SUSD1: variants seen among roughly 807,000 people sequenced by gnomAD.
The protein encoded by SUSD1 is sushi domain-containing protein 1.
Under a neutral mutation model 86.9 loss-of-function variants are expected in SUSD1, and 65 were observed. The ratio of observed to expected loss-of-function variants is 0.75; its 90% confidence interval spans 0.61 to 0.92. The LOEUF is 0.92. SUSD1 is among the 40% of genes least tolerant of loss of function. The probability of loss-of-function intolerance (pLI) is 0.00; values close to 1 mark genes in which losing one functional copy is unlikely to be tolerated. For missense variants in SUSD1, 850 were observed against 929.7 expected, an observed-to-expected ratio of 0.91 and a Z score of 1.11; for synonymous variants, 346 against 350.0, an observed-to-expected ratio of 0.99 and a Z score of 0.13.
At chr9:112,145,282 T>C (rs1327000305) in intron 3 of SUSD1, among the ~76,000 whole-genome samples, 5 of 84,892 alleles carry the variant, frequency 5.9e-5, no homozygotes, top group Non-Finnish European at 9.7e-5. Context: ...AATTTCCTTT[T>C]TTTTTTTTTT....
intron 3 of SUSD1, among the ~76,000 whole-genome samples, chr9:112,146,624 C>T (rs1004944776): frequency 1.3e-5 from 2 of 148,502 alleles, no homozygotes; most frequent in South Asian, 2.1e-4. Flanking sequence ...CCTCCTCATT[C>T]TTCTTCCTAA....
chr9:112,139,872 T>C (rs1055450504), intron 5 of SUSD1, among the ~76,000 whole-genome samples: 1 of 151,896 alleles, frequency 6.6e-6, no homozygotes, highest in Non-Finnish European at 1.5e-5. Flanking sequence ...ATTAAAAAAA[T>C]TTTTTTTCAC....
At chr9:112,146,275 C>G (rs1564338047) in intron 3 of SUSD1, 1 of 152,210 alleles carries the variant, frequency 6.6e-6, no homozygotes, top group Non-Finnish European at 1.5e-5. Context: ...TGCCAGTGGA[C>G]ATGGTCTTCA....
At chr9:112,111,376 A>T (rs941088792) in intron 8 of SUSD1, among the ~76,000 whole-genome samples, 5 of 152,198 alleles carry the variant, frequency 3.3e-5, no homozygotes, top group African/African-American at 1.2e-4. Flanking sequence ...TGGACTGATC[A>T]TCATTTAAAA....
intron 6 of SUSD1, among the ~76,000 whole-genome samples, chr9:112,115,851 A>G (rs1178299828): frequency 2.0e-5 from 3 of 149,958 alleles, no homozygotes; most frequent in South Asian, 4.2e-4. Flanking sequence ...AAATACTCCA[A>G]TTATGAGCAT....
At chr9:112,156,336 C>T (rs1318636923) in intron 2 of SUSD1, among the ~76,000 whole-genome samples, 1 of 151,920 alleles carries the variant, frequency 6.6e-6, no homozygotes, top group Non-Finnish European at 1.5e-5. Context: ...GTGGCACATA[C>T]CTGTAATCCC....
intron 5 of SUSD1, chr9:112,137,737 G>T (rs533415822): frequency 6.6e-6 from 1 of 152,164 alleles, no homozygotes; most frequent in African/African-American, 2.4e-5. Flanking sequence ...AATTGTGAGG[G>T]TTTCTCTTTT....
chr9:112,090,386 C>G (rs1471565805), intron 10 of SUSD1, among the ~76,000 whole-genome samples: 1 of 151,966 alleles, frequency 6.6e-6, no homozygotes, highest in East Asian at 1.9e-4. Context: ...ATAGAAAAGC[C>G]CCATACCCAG....
chr9:112,055,737 CA>C (rs1477337500), intron 14 of SUSD1, among the ~76,000 whole-genome samples: 15 of 152,140 alleles, frequency 9.9e-5, no homozygotes, highest in African/African-American at 3.1e-4. Context: ...TCGTAATAGC[CA>C]AAAGGTGGAA....
intron 6 of SUSD1, 103 bp downstream of exon 6, chr9:112,124,154 G>A (rs1224311716): frequency 8.7e-7 from 1 of 1,152,262 alleles, no homozygotes; most frequent in Non-Finnish European, 1.2e-6. Context: ...AGCCGAGCTG[G>A]GTACAGTATG....
chr9:112,078,425 C>T (rs944264553), intron 12 of SUSD1, 113 bp downstream of exon 12: 15 of 1,026,102 alleles, frequency 1.5e-5, no homozygotes, highest in Non-Finnish European at 1.7e-5. Context: ...TCCTCCTCTC[C>T]CTGTTAAAGT....
chr9:112,143,844 A>T (rs1414751871), intron 3 of SUSD1, among the ~76,000 whole-genome samples: 1 of 152,188 alleles, frequency 6.6e-6, no homozygotes, highest in Non-Finnish European at 1.5e-5. Context: ...TGCTCAATAA[A>T]TGTTTGTCAG....
At chr9:112,130,075 T>C (rs1410413561) in intron 5 of SUSD1, among the ~76,000 whole-genome samples, 1 of 152,122 alleles carries the variant, frequency 6.6e-6, no homozygotes, top group Non-Finnish European at 1.5e-5. Flanking sequence ...CTCAGTAATT[T>C]TAATAATAAT....
In SUSD1 at chr9:112,094,122, A is replaced by C. The variant is rs77908405; in HGVS notation, c.1474+4348T>G. On this transcript the variant is annotated intron_variant, in intron 10 of 16. Transcript: ENST00000374270. ...CCCCTCCCCAAAGGCCTACTGAATC[A>C]GAACCTCTGGGATGGGGCCCAGGAA... Among the ~76,000 whole-genome samples the C allele has an allele frequency of 1.4e-3, 217 of 152,314 alleles. 1 individual carries two copies. The highest frequency in any genetic ancestry group is 5.0e-3 in the African/African-American group (206 of 41,568).
At chr9:112,097,374 G>A (rs1830440704) in intron 10 of SUSD1, among the ~76,000 whole-genome samples, 9 of 150,468 alleles carry the variant, frequency 6.0e-5, no homozygotes, top group Admixed American at 6.0e-4. Context: ...GCTCTCATGA[G>A]TGTCTAACAC....
chr9:112,142,300 T>C lies in SUSD1; in HGVS notation c.706+20A>G, dbSNP rs1383152103. The C allele has an allele frequency of 6.5e-7, 1 of 1,533,684 alleles. No homozygotes were observed. Among genetic ancestry groups the C allele is most frequent in the Non-Finnish European group, 8.8e-7 (1 of 1,141,574 alleles). Reference sequence around the variant, plus strand: ...TTCAAGGTGGTATGAATTGGGAACCTGTATTTTTTGAAAACTCACCTTGGC... The same window carrying C: ...TTCAAGGTGGTATGAATTGGGAACCCGTATTTTTTGAAAACTCACCTTGGC... On this transcript the variant is annotated intron_variant, in intron 5 of 16. Transcript: ENST00000374270.
chr9:112,044,233 G>A (rs1156652953), intron 15 of SUSD1, among the ~76,000 whole-genome samples: 1 of 152,204 alleles, frequency 6.6e-6, no homozygotes, highest in Admixed American at 6.5e-5. Context: ...GAATACATTG[G>A]AACAAAATAG....
chr9:112,041,427 C>T lies in SUSD1; in HGVS notation c.*65G>A, dbSNP rs1361345406. On this transcript the variant is annotated 3_prime_UTR_variant, in exon 17 of 17. Transcript: ENST00000374270. Reference sequence around the variant, plus strand: ...TCACACGGAGCCTCTGTGCGGGCACCTGAGAAGCTGCCAGAACACCTGCCC... The same window carrying T: ...TCACACGGAGCCTCTGTGCGGGCACTTGAGAAGCTGCCAGAACACCTGCCC... 4 of 780,502 alleles carry T rather than the reference C, an allele frequency of 5.1e-6. No individual in the cohort carries two copies. The highest frequency in any genetic ancestry group is 1.3e-5 in the South Asian group (1 of 74,574). 48.3% of individuals were successfully genotyped at this position (780,502 alleles called of 1,614,324 possible). A position where few individuals can be genotyped will look rare whatever the true frequency, so the allele number is the denominator to read the frequency against.
At position 112,098,656 on chromosome 9, in the gene SUSD1, C is replaced by G. The variant is rs372045627; in HGVS notation, c.1288G>C (p.Val430Leu). The change falls in exon 10 of 17, where the codon GTT becomes CTT. Residue 430 changes from valine to leucine, a missense_variant. Transcript: ENST00000374270. The stretch of plus-strand genomic sequence containing the variant: ...GCCAGATACCACCTCTGACCCAGAA[C>G]GGTAAACTGTCATGAGATTAAAAGA... Reference protein sequence around the residue: ...VGSEHMYQFTVLGQRWYLANF... With the variant: ...VGSEHMYQFTLLGQRWYLANF... 2.5e-6 allele frequency: 4 copies of G among 1,613,950 alleles called. No homozygotes were observed. In the African/African-American group the frequency reaches 5.3e-5, roughly 22 times the overall value.
Sources: gnomAD v4.1 joint callset for allele counts (sites outside exome capture counted in the v4.1 genomes callset) on GRCh38, gnomAD v4.1.1 for gene constraint, MANE v1.5 for transcripts, NCBI Gene and HGNC (gene_info 2026-07-23, HGNC 2026-07-21) for gene names.